The following FBXO6 variants were observed in gnomAD, a reference collection of about 807,000 sequenced individuals.
FBXO6 encodes the protein F-box only protein 6.
FBXO6 carries 13 observed loss-of-function variants against 25.0 expected under a neutral mutation model. The ratio of observed to expected loss-of-function variants is 0.52; its 90% confidence interval spans 0.34 to 0.83. The LOEUF (loss-of-function observed/expected upper bound fraction) is 0.83. Among genes scored for constraint, FBXO6 ranks in the 40% least tolerant of loss-of-function variants. The probability of loss-of-function intolerance (pLI) is 0.02; values close to 1 mark genes in which losing one functional copy is unlikely to be tolerated. For synonymous variants in FBXO6, 138 were observed against 155.3 expected (o/e 0.89, Z 0.83); for missense variants, 370 against 380.2 (o/e 0.97, Z 0.22).
Position 11,668,902 on chromosome 1 carries a change from C to A in FBXO6, c.244C>A (p.Arg82=), listed in dbSNP as rs1359180404. 6.2e-7 allele frequency: 1 copy of A among 1,614,112 alleles called. No individual in the cohort carries two copies. The highest frequency in any genetic ancestry group is 8.5e-7 in the Non-Finnish European group (1 of 1,180,012). The change falls in exon 2 of 6, where the codon CGG becomes AGG. Residue 82 remains arginine, a synonymous_variant. Transcript: ENST00000376753. The part of the protein sequence containing the change: ...VADWKIFYFL[R]SLHRNLLRNP... ...CGACTGGAAAATCTTCTACTTCCTA[C>A]GGAGCCTGCATAGGAACCTCCTGCG...
chr1:11,667,020 A>G (rs1640457604), intron 1 of FBXO6, among the ~76,000 whole-genome samples: 2 of 152,102 alleles, frequency 1.3e-5, no homozygotes, highest in South Asian at 4.2e-4. Context: ...GGTGGCGGGC[A>G]CCTGTAATCA....
intron 1 of FBXO6, among the ~76,000 whole-genome samples, chr1:11,665,238 TTTTTGA>T (rs1640388334): frequency 7.9e-6 from 1 of 126,648 alleles, no homozygotes. Flanking sequence ...TTTTTTTTTT[TTTTTGA>T]GACGGAGTGT....
chr1:11,672,528 G>A (rs906119195), intron 4 of FBXO6, among the ~76,000 whole-genome samples: 1 of 152,102 alleles, frequency 6.6e-6, no homozygotes, highest in African/African-American at 2.4e-5. Flanking sequence ...GACCTCAAGT[G>A]ATCCACCCAC....
In FBXO6 at chr1:11,670,613, AATT is replaced by A. The variant is rs534292622; in HGVS notation, c.287-649_287-647del. Among the ~76,000 whole-genome samples the A allele has an allele frequency of 2.4e-3, 346 of 143,948 alleles. 1 individual carries two copies. Among genetic ancestry groups the A allele is most frequent in the African/African-American group, 8.4e-3 (322 of 38,334 alleles). The allele number at this position is 143,948 out of a possible 152,430, so 94.4% of individuals were successfully genotyped here. ...ATGAACACGTTAGCCTTTTTTAAAA[AATT>A]ATTTTACTTATTAAAAAAAAAAGGG... On this transcript the variant is annotated intron_variant, in intron 2 of 5. Coordinates refer to ENST00000376753, the MANE Select transcript of FBXO6 (RefSeq NM_018438.6).
intron 1 of FBXO6, chr1:11,664,836 AG>A (rs1360055023): frequency 6.6e-6 from 1 of 151,710 alleles, no homozygotes; most frequent in Non-Finnish European, 1.5e-5. Flanking sequence ...TCGGTGTGAG[AG>A]GGCTTCCTAG....
rs776467667 is a variant in FBXO6, at chr1:11,673,748, A to G, written c.779A>G (p.Lys260Arg). The G allele has an allele frequency of 4.3e-6, 7 of 1,613,996 alleles. No homozygotes were observed. Among genetic ancestry groups the G allele is most frequent in the Non-Finnish European group, 5.1e-6 (6 of 1,180,040 alleles). The change falls in exon 6 of 6, where the codon AAG becomes AGG. Residue 260 changes from lysine (K) to arginine (R), a missense_variant. Lys to Arg is a conservative substitution (Grantham distance 26). Transcript: ENST00000376753. This position sits in a 1 kb window ranked among gnomAD's most constrained non-coding sequence, Gnocchi z 4.3. ...VTNSSIVVSP[K>R]MTRNQASSEA... ...AACAGCAGCATTGTCGTCAGCCCCA[A>G]GATGACCAGGAACCAGGCCTCCTCC...
chr1:11,671,832 A>ACCT (rs1305726363), intron 3 of FBXO6, 96 bp from the exon 4 acceptor site: 7 of 1,131,988 alleles, frequency 6.2e-6, no homozygotes, highest in Admixed American at 1.8e-5. Flanking sequence ...TCCCCAAACC[A>ACCT]CCTCCCTGGG....
Position 11,670,908 on chromosome 1 carries a change from G to A in FBXO6, c.287-358G>A, listed in dbSNP as rs371440255. On this transcript the variant is annotated intron_variant, in intron 2 of 5. Transcript: ENST00000376753. Reference sequence around the variant, plus strand: ...GTAACACGCATTCTTTTCTCCAGCTGCGTGTTAGGAGTGAGGCCAGTTTGG... The same window carrying A: ...GTAACACGCATTCTTTTCTCCAGCTACGTGTTAGGAGTGAGGCCAGTTTGG... Among the ~76,000 whole-genome samples, 21 of 152,342 alleles carry A rather than the reference G, an allele frequency of 1.4e-4. 3 individuals carry two copies. The highest frequency in any genetic ancestry group is 1.9e-4 in the East Asian group (1 of 5,188).
intron 4 of FBXO6, 114 bp downstream of exon 4, chr1:11,672,137 C>T: frequency 1.1e-6 from 1 of 942,850 alleles, no homozygotes; most frequent in Non-Finnish European, 1.6e-6. Context: ...TGCCCTGGAG[C>T]CAGGTAGCCC....
rs775779660 is a variant in FBXO6, at chr1:11,668,689, G to C, written c.31G>C (p.Asp11His). The C allele has an allele frequency of 6.2e-7, 1 of 1,613,870 alleles. No homozygotes were observed. The highest frequency in any genetic ancestry group is 2.2e-5 in the East Asian group (1 of 44,878). MDAPHSKAAL[D>H]SINELPENIL... ...TGCTCCCCACTCCAAAGCAGCCCTG[G>C]ACAGCATTAACGAGCTGCCCGAGAA... Residue 11 changes from aspartate (D) to histidine (H), a missense_variant, in exon 2 of 6, where the codon GAC (aspartate) becomes CAC (histidine). Asp to His is a moderately conservative substitution (Grantham distance 81, BLOSUM62 -1). Coordinates refer to ENST00000376753, the MANE Select transcript of FBXO6 (RefSeq NM_018438.6).
chr1:11,664,521 A>AGG (rs1427430864), intron 1 of FBXO6: 4 of 38,430 alleles, frequency 1.0e-4, no homozygotes, highest in Admixed American at 3.0e-4. Context: ...CCGGGCGGCC[A>AGG]GGGGTGGGGG....
At chr1:11,669,870 C>T (rs931397481) in intron 2 of FBXO6, among the ~76,000 whole-genome samples, 13 of 147,480 alleles carry the variant, frequency 8.8e-5, no homozygotes, top group African/African-American at 3.2e-4. Flanking sequence ...TTCCTGACCT[C>T]AGGTGATCTG....
At chr1:11,670,204 C>T (rs1242994682) in intron 2 of FBXO6, among the ~76,000 whole-genome samples, 2 of 147,340 alleles carry the variant, frequency 1.4e-5, no homozygotes, top group African/African-American at 2.5e-5. Flanking sequence ...CAGAGCAAGA[C>T]TCCGTCTCAA....
intron 2 of FBXO6, 27 bp downstream of exon 2, chr1:11,668,971 C>A (rs1472106542): frequency 2.5e-6 from 4 of 1,607,142 alleles, no homozygotes; most frequent in Non-Finnish European, 3.4e-6. Context: ...GTGGAGGCTG[C>A]CACCAGGCTC....
chr1:11,667,282 AC>A (rs1640468661), intron 1 of FBXO6, among the ~76,000 whole-genome samples: 1 of 151,972 alleles, frequency 6.6e-6, no homozygotes, highest in African/African-American at 2.4e-5. Context: ...CTGCCGGCCA[AC>A]CCCCACCTAC....
At position 11,673,778 on chromosome 1, in the gene FBXO6, C is replaced by T; in HGVS notation, c.809C>T (p.Ala270Val). The T allele has an allele frequency of 1.2e-6, 2 of 1,614,116 alleles. No homozygotes were observed. Among genetic ancestry groups the T allele is most frequent in the South Asian group, 1.1e-5 (1 of 91,082 alleles). ...KMTRNQASSE[A>V]QPGQKHGQEE... Reference sequence around the variant, plus strand: ...ACCAGGAACCAGGCCTCCTCCGAGGCTCAGCCTGGGCAGAAGCATGGACAG... The same window carrying T: ...ACCAGGAACCAGGCCTCCTCCGAGGTTCAGCCTGGGCAGAAGCATGGACAG... Residue 270 changes from alanine (A) to valine (V), a missense_variant, in exon 6 of 6, where the codon GCT (alanine) becomes GTT (valine). Transcript: ENST00000376753. The surrounding 1 kb of genome is among the most constrained non-coding windows in gnomAD (Gnocchi z 4.3).
intron 1 of FBXO6, among the ~76,000 whole-genome samples, chr1:11,666,578 T>G (rs986219116): frequency 6.6e-6 from 1 of 151,440 alleles, no homozygotes; most frequent in African/African-American, 2.4e-5. Context: ...GAGATGGGGT[T>G]TCACTGTGTT....
intron 1 of FBXO6, among the ~76,000 whole-genome samples, chr1:11,666,167 T>C (rs922268703): frequency 6.7e-6 from 1 of 150,374 alleles, no homozygotes; most frequent in Non-Finnish European, 1.5e-5. Flanking sequence ...GCAGGCCTCA[T>C]GGACTGTAAG....
chr1:11,671,501 C>A, intron 3 of FBXO6, 109 bp downstream of exon 3: 1 of 1,491,378 alleles, frequency 6.7e-7, no homozygotes, highest in Non-Finnish European at 9.1e-7. Context: ...CTGCGAAGCT[C>A]GAGGGAGGTG....
Sources: gnomAD v4.1 joint callset for allele counts (sites outside exome capture counted in the v4.1 genomes callset) on GRCh38, gnomAD v4.1.1 for gene constraint, Gnocchi (gnomAD v3.1) non-coding constraint, MANE v1.5 for transcripts, NCBI Gene and HGNC (gene_info 2026-07-23, HGNC 2026-07-21) for gene names.